The following CAPN5 variants were observed in gnomAD, a reference collection of about 807,000 sequenced individuals.
The protein encoded by CAPN5 is calpain 5, also known as calpain-5.
Under a neutral mutation model 73.0 loss-of-function variants are expected in CAPN5, and 54 were observed. The observed-to-expected ratio is 0.74, with a 90% confidence interval of 0.59 to 0.93. CAPN5 has a LOEUF of 0.93. CAPN5 is among the 40% of genes least tolerant of loss of function. The pLI, the probability that CAPN5 is intolerant of heterozygous loss-of-function variation, is 0.00. For missense variants in CAPN5, 785 were observed against 882.9 expected, an observed-to-expected ratio of 0.89 and a Z score of 1.41; for synonymous variants, 335 against 356.9, an observed-to-expected ratio of 0.94 and a Z score of 0.69.
At chr11:77,098,945 C>T (rs1180310442) in intron 3 of CAPN5, among the ~76,000 whole-genome samples, 60 of 70,396 alleles carry the variant, frequency 8.5e-4, no homozygotes, top group African/African-American at 4.1e-3. Flanking sequence ...GGGCGGCTGC[C>T]GGGCGGAGGG....
Position 77,114,481 on chromosome 11 carries a change from G to A in CAPN5, c.699+47G>A, listed in dbSNP as rs372333280. 3.4e-5 allele frequency: 52 copies of A among 1,538,480 alleles called. No individual in the cohort carries two copies. In the African/African-American group the frequency reaches 5.5e-4, roughly 16 times the overall value. ...GAGGCGACCCCTCCCCTTCACCCTCGCTGACTGAGATGGGAGACAACTGTG... is the reference window on the plus strand; with the variant it reads ...GAGGCGACCCCTCCCCTTCACCCTCACTGACTGAGATGGGAGACAACTGTG... On this transcript the variant is annotated intron_variant, in intron 5 of 12. Coordinates refer to ENST00000648180, the MANE Select transcript of CAPN5 (RefSeq NM_004055.5).
intron 1 of CAPN5, chr11:77,072,942 A>G (rs979507839): frequency 4.5e-6 from 2 of 441,480 alleles, no homozygotes; most frequent in Admixed American, 2.8e-5. Flanking sequence ...CACACAGCAC[A>G]GTGAGGCAGA....
At chr11:77,084,286 G>A (rs1200370229) in intron 1 of CAPN5, among the ~76,000 whole-genome samples, 1 of 152,218 alleles carries the variant, frequency 6.6e-6, no homozygotes, top group Non-Finnish European at 1.5e-5. Context: ...GGAGCCATGG[G>A]CCTGCTCTCT....
chr11:77,106,776 C>A (rs1032687154), intron 3 of CAPN5, among the ~76,000 whole-genome samples: 11 of 152,196 alleles, frequency 7.2e-5, no homozygotes, highest in Admixed American at 5.9e-4. Flanking sequence ...TACAGGAGAA[C>A]CTGTGGAGAG....
At chr11:77,112,905 G>A (rs1950426806) in intron 4 of CAPN5, 108 bp downstream of exon 4, 2 of 1,082,456 alleles carry the variant, frequency 1.8e-6, no homozygotes, top group Admixed American at 2.1e-5. Flanking sequence ...GAGAAGTGAG[G>A]GGCTGGTGCA....
intron 3 of CAPN5, among the ~76,000 whole-genome samples, chr11:77,111,161 C>T (rs1950406728): frequency 6.6e-6 from 1 of 151,990 alleles, no homozygotes; most frequent in Admixed American, 6.5e-5. Context: ...GCCCCGCCTG[C>T]ACCCTGTGTA....
chr11:77,112,187 A>T (rs935844787), intron 3 of CAPN5, among the ~76,000 whole-genome samples: 12 of 151,994 alleles, frequency 7.9e-5, no homozygotes, highest in Non-Finnish European at 1.6e-4. Context: ...GGCTGACTGG[A>T]TGGAGGGAGG....
Position 77,121,337 on chromosome 11 carries a change from G to A in CAPN5, c.1487+428G>A, listed in dbSNP as rs140782039. Reference sequence around the variant, plus strand: ...CCACAATTTCCTGTCCCATGGGGGTGGCTCTGGGCTCCAGTGGACTGCTGA... The same window carrying A: ...CCACAATTTCCTGTCCCATGGGGGTAGCTCTGGGCTCCAGTGGACTGCTGA... On this transcript the variant is annotated intron_variant, in intron 10 of 12. Transcript: ENST00000648180. Among the ~76,000 whole-genome samples the A allele has an allele frequency of 5.4e-4, 83 of 152,320 alleles. 1 individual carries two copies. The East Asian group carries it at 0.011, about 21-fold the overall frequency.
In CAPN5 at chr11:77,084,936, G is replaced by A; in HGVS notation, c.50G>A (p.Arg17Lys). ...PYEDQNYSALRRDCRRRKVLF... is the reference protein window; with the variant it reads ...PYEDQNYSALKRDCRRRKVLF... ...GAGGACCAGAACTACTCAGCCCTGA[G>A]GCGGGACTGCCGGCGCAGGAAGGTG... The change falls in exon 2 of 13, where the codon AGG becomes AAG. Residue 17 changes from arginine to lysine, a missense_variant. Coordinates refer to ENST00000648180, the MANE Select transcript of CAPN5 (RefSeq NM_004055.5). The A allele has an allele frequency of 1.2e-6, 2 of 1,614,036 alleles. No individual in the cohort carries two copies. The highest frequency in any genetic ancestry group is 1.1e-5 in the South Asian group (1 of 91,088).
rs191226403 is a variant in CAPN5 at position 77,081,481 on chromosome 11, C to T, written c.-35-3371C>T. Among the ~76,000 whole-genome samples the T allele has an allele frequency of 2.4e-3, 372 of 152,314 alleles. 4 individuals carry two copies. Among genetic ancestry groups the T allele is most frequent in the African/African-American group, 8.4e-3 (349 of 41,580 alleles). On this transcript the variant is annotated intron_variant, in intron 1 of 12. Transcript: ENST00000648180. Reference sequence around the variant, plus strand: ...ATACCTGGCGGGGGTCTGGACACATCGTGGGTGAAGCCCAGATGTCGACTG... The same window carrying T: ...ATACCTGGCGGGGGTCTGGACACATTGTGGGTGAAGCCCAGATGTCGACTG...
intron 3 of CAPN5, among the ~76,000 whole-genome samples, chr11:77,106,115 G>T (rs1337437066): frequency 6.6e-5 from 10 of 152,088 alleles, no homozygotes; most frequent in African/African-American, 9.7e-5. Context: ...GTTTTGTTTT[G>T]GAATGAGCCC....
chr11:77,097,478 T>TTTTTG, intron 3 of CAPN5, among the ~76,000 whole-genome samples: 1 of 143,766 alleles, frequency 7.0e-6, no homozygotes, highest in South Asian at 2.2e-4. Flanking sequence ...TTTTTTTTTT[T>TTTTTG]TTTTTTTTTT....
chr11:77,087,864 T>A, intron 2 of CAPN5: 1 of 1,530,400 alleles, frequency 6.5e-7, no homozygotes, highest in Non-Finnish European at 8.8e-7. Flanking sequence ...GGCCTTGTCC[T>A]CTTGGGTGCC....
rs1555041520 is a variant in CAPN5, at chr11:77,115,381, G to A, written c.700-14G>A. ...TGTGGCCCTGCCTCTCTGAGCAACTGTGTCCCTCCACAGGCAGTGACAGCA... is the reference window on the plus strand; with the variant it reads ...TGTGGCCCTGCCTCTCTGAGCAACTATGTCCCTCCACAGGCAGTGACAGCA... On this transcript the variant is annotated splice_polypyrimidine_tract_variant and intron_variant, in intron 5 of 12. Coordinates refer to ENST00000648180, the MANE Select transcript of CAPN5 (RefSeq NM_004055.5). 3.8e-6 allele frequency: 6 copies of A among 1,590,526 alleles called. No individual in the cohort carries two copies. The Admixed American group carries it at 8.4e-5, about 22-fold the overall frequency.
intron 3 of CAPN5, among the ~76,000 whole-genome samples, chr11:77,099,763 CGGAGAGGGAGAG>C (rs782664114): frequency 2.9e-5 from 4 of 139,834 alleles, no homozygotes; most frequent in East Asian, 2.2e-4. Context: ...GAGAGGGAGA[CGGAGAGGGAGAG>C]GGAGAGGGAG....
At chr11:77,104,695 C>G (rs1950325522) in intron 3 of CAPN5, among the ~76,000 whole-genome samples, 1 of 152,254 alleles carries the variant, frequency 6.6e-6, no homozygotes, top group Admixed American at 6.5e-5. Context: ...TCCCCAGCAC[C>G]CTGACTTAAG....
intron 2 of CAPN5, among the ~76,000 whole-genome samples, chr11:77,086,437 C>T (rs1182633398): frequency 1.3e-5 from 2 of 152,150 alleles, no homozygotes; most frequent in African/African-American, 4.8e-5. Context: ...TGCCTCCCTG[C>T]ACCCCACCTT....
chr11:77,084,985 C>T lies in CAPN5; in HGVS notation c.99C>T (p.Pro33=), dbSNP rs141871015. The T allele has an allele frequency of 5.3e-5, 85 of 1,613,894 alleles. No homozygotes were observed. Among genetic ancestry groups the T allele is most frequent in the Non-Finnish European group, 5.8e-5 (68 of 1,180,028 alleles). The change falls in exon 2 of 13, where the codon CCC becomes CCT. Residue 33 remains proline (P), a synonymous_variant. Transcript: ENST00000648180. The part of the protein sequence containing the change: ...RKVLFEDPLF[P]ATDDSLYYKG... The stretch of plus-strand genomic sequence containing the variant: ...TGCTCTTCGAGGACCCCCTCTTCCC[C>T]GCCACTGACGACTCACTCTACTATA...
chr11:77,122,832 G>C (rs556192355), intron 12 of CAPN5, 120 bp downstream of exon 12: 1 of 1,311,276 alleles, frequency 7.6e-7, no homozygotes, highest in Non-Finnish European at 1.1e-6. Context: ...GGCTCTAGCT[G>C]TCTGTCTATC....
Sources: gnomAD v4.1 joint callset for allele counts (sites outside exome capture counted in the v4.1 genomes callset) on GRCh38, gnomAD v4.1.1 for gene constraint, MANE v1.5 for transcripts, NCBI Gene and HGNC (gene_info 2026-07-23, HGNC 2026-07-21) for gene names.